The following CYP2R1 variants were observed in gnomAD, a reference collection of about 807,000 sequenced individuals.
The protein encoded by CYP2R1 is vitamin D 25-hydroxylase.
CYP2R1 carries 40 observed loss-of-function variants against 45.7 expected under a neutral mutation model. The ratio of observed to expected loss-of-function variants is 0.87; its 90% CI spans 0.68 to 1.14. CYP2R1 has a LOEUF of 1.14. CYP2R1 is among the 50% of genes most tolerant of loss of function. CYP2R1 has a pLI of 0.00. For missense variants in CYP2R1, 605 were observed against 602.6 expected, an observed-to-expected ratio of 1.00 and a Z score of -0.04; for synonymous variants, 234 against 219.3, an observed-to-expected ratio of 1.07 and a Z score of -0.59.
chr11:14,880,087 G>A (rs1565178191), intron 3 of CYP2R1, 49 bp downstream of exon 3: 2 of 1,598,266 alleles, frequency 1.3e-6, no homozygotes, highest in African/African-American at 1.3e-5. Flanking sequence ...AAACATGTAT[G>A]AACCCTACAT....
rs1555017372 is a variant in CYP2R1, at chr11:14,892,133, G to C, written c.73C>G (p.Leu25Val). 1 of 1,611,562 alleles carries C rather than the reference G, an allele frequency of 6.2e-7. No homozygotes were observed. Among genetic ancestry groups the C allele is most frequent in the South Asian group, 1.1e-5 (1 of 91,026 alleles). The part of the protein sequence containing the change: ...GGALFLLLFA[L>V]GVRQLLKQRR... ...TGCTTCAGCAGCTGGCGGACCCCTA[G>C]CGCGAAGAGCAGCAGGAAGAGCGCG... The change falls in exon 1 of 5, where the codon CTA becomes GTA. Residue 25 changes from leucine (L) to valine (V), a missense_variant. Transcript: ENST00000334636.
chr11:14,880,667 T>C lies in CYP2R1; in HGVS notation c.469A>G (p.Lys157Glu). The stretch of plus-strand genomic sequence containing the variant: ...AAAAATTTGGTTTCTTCCAAGATTT[T>C]AGATTCAAAAGACTTTTGGCCATAT... ...FGYGQKSFES[K>E]ILEETKFFND... is the part of the protein sequence containing the mutation. The change falls in exon 3 of 5, where the codon AAA becomes GAA. Residue 157 changes from lysine (K) to glutamate (E), a missense_variant. Transcript: ENST00000334636. 11 of 1,597,630 alleles carry C rather than the reference T, an allele frequency of 6.9e-6. No homozygotes were observed. Among genetic ancestry groups the C allele is most frequent in the Non-Finnish European group, 9.4e-6 (11 of 1,173,988 alleles).
chr11:14,880,869 C>A, intron 2 of CYP2R1, 101 bp from the exon 3 acceptor site: 1 of 1,106,750 alleles, frequency 9.0e-7, no homozygotes, highest in Non-Finnish European at 1.3e-6. Flanking sequence ...CATCCTTCTC[C>A]AAATTGTCCT....
intron 2 of CYP2R1, among the ~76,000 whole-genome samples, chr11:14,881,187 T>TA (rs1410814382): frequency 2.0e-5 from 3 of 152,052 alleles, no homozygotes; most frequent in Non-Finnish European, 4.4e-5. Flanking sequence ...ATTTTCTGCT[T>TA]AAAAGAGAAT....
At chr11:14,887,509 T>C (rs746630384) in intron 1 of CYP2R1, 151 of 807,338 alleles carry the variant, frequency 1.9e-4, no homozygotes, top group Non-Finnish European at 2.2e-4. Context: ...CTTTGATCTA[T>C]GGAAGGGTAC....
chr11:14,892,007 T>C lies in CYP2R1; in HGVS notation c.199A>G (p.Arg67Gly), dbSNP rs1848876883. 2 of 1,613,474 alleles carry C rather than the reference T, an allele frequency of 1.2e-6. No homozygotes were observed. The highest frequency in any genetic ancestry group is 8.5e-7 in the Non-Finnish European group (1 of 1,179,790). ...ASSELPHVYM[R>G]KQSQVYGEIF... Reference sequence around the variant, plus strand: ...TCTCCGTACACCTGGCTCTGCTTTCTCATGTAGACATGGGGAAGCTCGGAT... The same window carrying C: ...TCTCCGTACACCTGGCTCTGCTTTCCCATGTAGACATGGGGAAGCTCGGAT... The change falls in exon 1 of 5, where the codon AGA (arginine) becomes GGA (glycine). Residue 67 changes from arginine to glycine, a missense_variant. Arg to Gly is a moderately radical substitution (Grantham distance 125). Transcript: ENST00000334636.
Position 14,879,143 on chromosome 11 carries a change from T to C in CYP2R1, c.1301A>G (p.Lys434Arg), listed in dbSNP as rs1555010796. ...GGAAAAAGGAACCAAAGCTTCCTTC[T>C]TGGCAAAATATCCACTGCTGTCCAG... ...RFLDSSGYFAKKEALVPFSLG... is the reference protein window; with the variant it reads ...RFLDSSGYFARKEALVPFSLG... The change falls in exon 4 of 5, where the codon AAG (lysine) becomes AGG (arginine). Residue 434 changes from lysine (K) to arginine (R), a missense_variant. Coordinates refer to ENST00000334636, the MANE Select transcript of CYP2R1 (RefSeq NM_024514.5). The C allele has an allele frequency of 1.9e-6, 3 of 1,613,192 alleles. No homozygotes were observed. In the East Asian group the frequency reaches 6.7e-5, roughly 36 times the overall value.
Position 14,892,120 on chromosome 11 carries a change from T to G in CYP2R1, c.86A>C (p.Gln29Pro), listed in dbSNP as rs1174340525. The G allele has an allele frequency of 2.5e-6, 4 of 1,611,692 alleles. No individual in the cohort carries two copies. Among genetic ancestry groups the G allele is most frequent in the Non-Finnish European group, 3.4e-6 (4 of 1,179,702 alleles). The change falls in exon 1 of 5, where the codon CAG (glutamine) becomes CCG (proline). Residue 29 changes from glutamine (Q) to proline (P), a missense_variant. Transcript: ENST00000334636. ...CATCGGCCGCCTCTGCTTCAGCAGC[T>G]GGCGGACCCCTAGCGCGAAGAGCAG... is the stretch of plus-strand genomic sequence containing the variant. The part of the protein sequence containing the change: ...FLLLFALGVR[Q>P]LLKQRRPMGF...
intron 1 of CYP2R1, chr11:14,891,767 A>C (rs1848867009): frequency 1.4e-6 from 2 of 1,382,950 alleles, no homozygotes; most frequent in East Asian, 5.6e-5. Flanking sequence ...GGAGTGGGTC[A>C]CCGGCAGGGG....
chr11:14,884,892 G>A (rs894909556), intron 2 of CYP2R1, among the ~76,000 whole-genome samples: 2 of 151,608 alleles, frequency 1.3e-5, no homozygotes, highest in East Asian at 3.9e-4. Flanking sequence ...TTATAATTGT[G>A]GCTGCTTCTT....
At chr11:14,883,077 G>A (rs1416398253) in intron 2 of CYP2R1, among the ~76,000 whole-genome samples, 3 of 151,934 alleles carry the variant, frequency 2.0e-5, no homozygotes, top group Non-Finnish European at 2.9e-5. Context: ...ATGGGTAGGA[G>A]GAATCAATAT....
Position 14,880,549 on chromosome 11 carries a change from A to G in CYP2R1, c.587T>C (p.Phe196Ser). The change falls in exon 3 of 5, where the codon TTT becomes TCT. Residue 196 changes from phenylalanine to serine, a missense_variant. Physicochemically the swap from Phe to Ser is radical, Grantham distance 155. Transcript: ENST00000334636. ...AVSNITNLII[F>S]GERFTYEDTD... ...GTCTTCATAAGTGAATCGTTCTCCA[A>G]AAATGATCAGATTGGTTATGTTTGA... The G allele has an allele frequency of 1.9e-6, 3 of 1,613,498 alleles. No homozygotes were observed. The highest frequency in any genetic ancestry group is 2.5e-6 in the Non-Finnish European group (3 of 1,179,666).
intron 2 of CYP2R1, among the ~76,000 whole-genome samples, chr11:14,885,430 C>T (rs1555014061): frequency 1.3e-5 from 2 of 152,150 alleles, no homozygotes; most frequent in African/African-American, 4.8e-5. Context: ...GTAAAAATGT[C>T]ACCAAGTACT....
chr11:14,889,747 T>G (rs1237466006), intron 1 of CYP2R1, among the ~76,000 whole-genome samples: 3 of 152,180 alleles, frequency 2.0e-5, no homozygotes, highest in African/African-American at 4.8e-5. Flanking sequence ...AAAGCTTAAT[T>G]CCTTTTTCTG....
chr11:14,884,459 A>C (rs1349755931), intron 2 of CYP2R1, among the ~76,000 whole-genome samples: 1 of 147,394 alleles, frequency 6.8e-6, no homozygotes, highest in East Asian at 2.0e-4. Flanking sequence ...GCATATTCTC[A>C]CTCATAGGTG....
chr11:14,880,713 T>C lies in CYP2R1; in HGVS notation c.423A>G (p.Val141=), dbSNP rs782353065. 10 of 1,600,214 alleles carry C rather than the reference T, an allele frequency of 6.2e-6. No homozygotes were observed. The East Asian group carries it at 2.0e-4, about 32-fold the overall frequency. ...RGWVDHRRLA[V]NSFRYFGYGQ... ...CATATCCAAAATATCGAAAACTGTT[T>C]ACAGCTAATCGTCTGTGATCAACCC... The change falls in exon 3 of 5, where the codon GTA becomes GTG. Residue 141 remains valine, a synonymous_variant. Transcript: ENST00000334636.
Position 14,879,301 on chromosome 11 carries a change from A to G in CYP2R1, c.1143T>C (p.His381=). ...GTACAACTGCATCTTCAGAGGTTGC[A>G]TGGAAAATCCCTAATGGAACTATAT... ...FCNIVPLGIF[H]ATSEDAVVRG... The change falls in exon 4 of 5, where the codon CAT becomes CAC. Residue 381 remains histidine, a synonymous_variant. Transcript: ENST00000334636. 1.9e-6 allele frequency: 3 copies of G among 1,613,330 alleles called. No individual in the cohort carries two copies. Among genetic ancestry groups the G allele is most frequent in the Non-Finnish European group, 2.5e-6 (3 of 1,179,572 alleles).
intron 1 of CYP2R1, chr11:14,887,735 G>A (rs2134081046): frequency 1.5e-6 from 1 of 663,290 alleles, no homozygotes; most frequent in Non-Finnish European, 1.9e-6. Context: ...CATCCTTCAA[G>A]TGGTTGAGGC....
chr11:14,879,473 T>C (rs1378287654), intron 3 of CYP2R1, 30 bp from the exon 4 acceptor site: 3 of 1,543,124 alleles, frequency 1.9e-6, no homozygotes, highest in Non-Finnish European at 2.6e-6. Context: ...CAAGTTATTA[T>C]GCAGTTCTTA....
Sources: gnomAD v4.1 joint callset for allele counts (sites outside exome capture counted in the v4.1 genomes callset) on GRCh38, gnomAD v4.1.1 for gene constraint, MANE v1.5 for transcripts, NCBI Gene and HGNC (gene_info 2026-07-23, HGNC 2026-07-21) for gene names.